Variants in ATP11C observed in about 807,000 individuals in gnomAD.
The protein encoded by ATP11C is ATPase phospholipid transporting 11C (ATP11C blood group).
Under a neutral mutation model 97.4 loss-of-function variants are expected in ATP11C, and 36 were observed. The ratio of observed to expected loss-of-function variants is 0.37; its 90% CI spans 0.28 to 0.49. ATP11C has a LOEUF of 0.49. Ranked by LOEUF, ATP11C falls within the 20% of genes least tolerant of loss-of-function variation. ATP11C has a pLI of 0.98. For missense variants in ATP11C, 730 were observed against 824.6 expected (o/e 0.89, Z 1.40); for synonymous variants, 275 against 290.9 (o/e 0.95, Z 0.56).
At chrX:139,796,531 A>G in intron 11 of ATP11C, 61 bp from the exon 12 acceptor site, 1 of 739,830 alleles carries the variant, frequency 1.4e-6, no homozygotes, top group Non-Finnish European at 2.0e-6. Flanking sequence ...CCAATATAAT[A>G]TAAAGGAAGA....
intron 6 of ATP11C, among the ~76,000 whole-genome samples, chrX:139,803,943 C>T (rs888665353): frequency 1.0e-4 from 11 of 109,305 alleles, no homozygotes; most frequent in Non-Finnish European, 1.1e-4. Context: ...TCAAATGATC[C>T]GTCTACCTCA....
chrX:139,833,412 A>G (rs2083692600), intron 1 of ATP11C, among the ~76,000 whole-genome samples: 1 of 111,443 alleles, frequency 9.0e-6, no homozygotes, highest in Admixed American at 9.5e-5. Flanking sequence ...CGGGGGGCGC[A>G]TTCTTCCTGG....
At chrX:139,880,211 A>G (rs2084540240) in intron 1 of ATP11C, among the ~76,000 whole-genome samples, 2 of 111,724 alleles carry the variant, frequency 1.8e-5, no homozygotes, top group South Asian at 7.5e-4. Context: ...AGGAGTAAGA[A>G]GAATGAAATA....
chrX:139,850,132 T>TA (rs1028928690), intron 1 of ATP11C, among the ~76,000 whole-genome samples: 3 of 111,421 alleles, frequency 2.7e-5, no homozygotes, highest in South Asian at 7.7e-4. Context: ...ATTGTTACTA[T>TA]AAAAAATAAC....
chrX:139,925,349 G>A (rs1486786651), intron 1 of ATP11C, among the ~76,000 whole-genome samples: 1 of 109,702 alleles, frequency 9.1e-6, no homozygotes, highest in African/African-American at 3.3e-5. Context: ...GCAATGGCAC[G>A]ATCTCGGCTC....
At position 139,796,481 on chromosome X, in the gene ATP11C, A is replaced by G; in HGVS notation, c.1009-11T>C. The G allele has an allele frequency of 9.2e-7, 1 of 1,084,633 alleles. No individual in the cohort carries two copies. The highest frequency in any genetic ancestry group is 1.3e-6 in the Non-Finnish European group (1 of 785,892). The allele number at this position is 1,084,633 out of a possible 1,213,427, so 89.4% of individuals were successfully genotyped here. A position where few individuals can be genotyped will look rare whatever the true frequency, so the allele number is the denominator to read the frequency against. On this transcript the variant is annotated splice_polypyrimidine_tract_variant and intron_variant, in intron 11 of 29. Coordinates refer to ENST00000682941, the MANE Select transcript of ATP11C (RefSeq NM_001353812.2). Reference sequence around the variant, plus strand: ...GAACATTTTTAAAACCTAAAATAAAAGAGATAGTTCATGCTAATTAGACAT... The same window carrying G: ...GAACATTTTTAAAACCTAAAATAAAGGAGATAGTTCATGCTAATTAGACAT...
chrX:139,928,001 G>A (rs1415930930), intron 1 of ATP11C, among the ~76,000 whole-genome samples: 1 of 111,741 alleles, frequency 8.9e-6, no homozygotes, highest in East Asian at 2.8e-4. Context: ...TGTGCTAGGA[G>A]CTAAGAACAC....
intron 1 of ATP11C, among the ~76,000 whole-genome samples, chrX:139,887,039 C>A (rs1029535350): frequency 2.7e-5 from 3 of 111,751 alleles, no homozygotes; most frequent in African/African-American, 9.7e-5. Context: ...AGAAACTGAT[C>A]CACACATATA....
intron 18 of ATP11C, among the ~76,000 whole-genome samples, chrX:139,781,114 T>A (rs1307918643): frequency 2.7e-5 from 3 of 111,183 alleles, no homozygotes; most frequent in African/African-American, 9.8e-5. Context: ...ACGCCAATCA[T>A]CCTGAATGTG....
chrX:139,804,303 G>C (rs1048552472), intron 6 of ATP11C, among the ~76,000 whole-genome samples, 168 bp downstream of exon 6: 1 of 111,044 alleles, frequency 9.0e-6, no homozygotes, highest in East Asian at 2.8e-4. Flanking sequence ...CCAAACACGA[G>C]TGTTTGCTTA....
intron 1 of ATP11C, among the ~76,000 whole-genome samples, chrX:139,887,845 C>T (rs750687830): frequency 2.8e-5 from 3 of 107,864 alleles, no homozygotes; most frequent in African/African-American, 1.0e-4. Context: ...GTAGCATGCA[C>T]CTATAGTCCC....
intron 28 of ATP11C, among the ~76,000 whole-genome samples, chrX:139,733,410 T>G (rs1328735714): frequency 8.9e-6 from 1 of 112,250 alleles, no homozygotes; most frequent in Non-Finnish European, 1.9e-5. Context: ...GTCTACTTAG[T>G]GACCTAAAAT....
chrX:139,784,830 C>CTCCCTAT (rs769875312), intron 16 of ATP11C, among the ~76,000 whole-genome samples: 4 of 111,436 alleles, frequency 3.6e-5, no homozygotes, highest in Admixed American at 2.9e-4. Context: ...TAACAAGCAA[C>CTCCCTAT]TCCCTATACT....
At chrX:139,899,003 C>T (rs1352444624) in intron 1 of ATP11C, among the ~76,000 whole-genome samples, 7 of 111,753 alleles carry the variant, frequency 6.3e-5, no homozygotes, top group South Asian at 3.8e-4. Flanking sequence ...GGCACTTCAT[C>T]TCTCGTCTTC....
At position 139,913,659 on chromosome X, in the gene ATP11C, G is replaced by A. The variant is rs776551069; in HGVS notation, c.27+18357C>T. On this transcript the variant is annotated intron_variant, in intron 1 of 29. Transcript: ENST00000682941. ...GCACCTTGTGTCCCCCGCCCCTACC[G>A]GCCAGAGAACAACCCCCTTTGACTG... is the stretch of plus-strand genomic sequence containing the variant. 1.1e-4 allele frequency among the ~76,000 whole-genome samples: 12 copies of A among 110,609 alleles called. No individual in the cohort carries two copies. The South Asian group carries it at 3.1e-3, about 29-fold the overall frequency.
At chrX:139,770,888 C>A (rs144660149) in intron 19 of ATP11C, among the ~76,000 whole-genome samples, 1 of 111,666 alleles carries the variant, frequency 9.0e-6, no homozygotes, top group South Asian at 3.8e-4. Flanking sequence ...AGCCCTACCC[C>A]CAATGTGATT....
chrX:139,753,239 A>G (rs1325458696), intron 23 of ATP11C, among the ~76,000 whole-genome samples: 4 of 111,542 alleles, frequency 3.6e-5, no homozygotes, highest in Non-Finnish European at 7.5e-5. Context: ...TCCACAGCAA[A>G]TTCAAAAAAA....
intron 3 of ATP11C, among the ~76,000 whole-genome samples, chrX:139,818,179 T>G (rs1403556798): frequency 8.9e-6 from 1 of 111,982 alleles, no homozygotes; most frequent in Non-Finnish European, 1.9e-5. Flanking sequence ...TCCTCTTGGG[T>G]AGAAAAAAAT....
At chrX:139,867,742 A>AG (rs2084309046) in intron 1 of ATP11C, among the ~76,000 whole-genome samples, 1 of 112,222 alleles carries the variant, frequency 8.9e-6, no homozygotes. Context: ...CAAAGGCCCA[A>AG]GGGCAGGAGA....
Sources: gnomAD v4.1 joint callset for allele counts (sites outside exome capture counted in the v4.1 genomes callset) on GRCh38, gnomAD v4.1.1 for gene constraint, MANE v1.5 for transcripts, NCBI Gene and HGNC (gene_info 2026-07-23, HGNC 2026-07-21) for gene names.